The following DACH2 variants were observed in gnomAD, a reference collection of about 807,000 sequenced individuals.
DACH2 encodes dachshund homolog 2.
DACH2 carries 17 observed loss-of-function variants against 35.8 expected under a neutral mutation model. The ratio of observed to expected loss-of-function variants is 0.48; its 90% CI spans 0.33 to 0.71. DACH2 has a LOEUF of 0.71. Among genes scored for constraint, DACH2 ranks in the 30% least tolerant of loss-of-function variants. The pLI is 0.02. For missense variants in DACH2, 469 were observed against 472.7 expected (o/e 0.99, Z 0.07); for synonymous variants, 195 against 177.3 (o/e 1.10, Z -0.79).
intron 1 of DACH2, among the ~76,000 whole-genome samples, chrX:86,209,351 G>A (rs985085128): frequency 9.0e-6 from 1 of 111,327 alleles, no homozygotes; most frequent in African/African-American, 3.3e-5. Flanking sequence ...CTAACCCTCC[G>A]TAAACACAAA....
chrX:86,724,252 T>C (rs2041440552), intron 6 of DACH2, among the ~76,000 whole-genome samples: 1 of 111,919 alleles, frequency 8.9e-6, no homozygotes, highest in South Asian at 3.7e-4. Context: ...ATTTGATTAT[T>C]GCTCTTTCTC....
intron 7 of DACH2, among the ~76,000 whole-genome samples, chrX:86,770,737 A>G (rs1464000453): frequency 8.0e-5 from 9 of 112,057 alleles, no homozygotes; most frequent in Non-Finnish European, 1.7e-4. Context: ...TAGTTCTAAC[A>G]TGTTGTGAGG....
chrX:86,439,108 C>T (rs1396719341), intron 2 of DACH2, among the ~76,000 whole-genome samples: 1 of 112,034 alleles, frequency 8.9e-6, no homozygotes, highest in Admixed American at 9.5e-5. Context: ...AGGATGATAT[C>T]TCATTGTGGT....
intron 4 of DACH2, among the ~76,000 whole-genome samples, chrX:86,686,609 A>G (rs1487078406): frequency 8.9e-6 from 1 of 111,842 alleles, no homozygotes; most frequent in Non-Finnish European, 1.9e-5. Flanking sequence ...CAATTTAAAA[A>G]TTTGGGGGTT....
intron 1 of DACH2, among the ~76,000 whole-genome samples, chrX:86,258,397 T>C (rs2033565547): frequency 1.8e-5 from 2 of 111,236 alleles, no homozygotes; most frequent in African/African-American, 6.5e-5. Flanking sequence ...TTTTTTACCC[T>C]TTGTAAATGT....
intron 1 of DACH2, among the ~76,000 whole-genome samples, chrX:86,226,258 C>T (rs1166909928): frequency 9.0e-6 from 1 of 111,344 alleles, no homozygotes; most frequent in Non-Finnish European, 1.9e-5. Flanking sequence ...AAAAAGTATT[C>T]GTCTATGTGA....
chrX:86,766,222 A>C (rs1481211307), intron 7 of DACH2, among the ~76,000 whole-genome samples: 1 of 111,684 alleles, frequency 9.0e-6, no homozygotes, highest in Non-Finnish European at 1.9e-5. Context: ...TCCTAAATCT[A>C]ATCATTCCTC....
chrX:86,323,859 G>A (rs1035107430), intron 1 of DACH2, among the ~76,000 whole-genome samples: 6 of 112,188 alleles, frequency 5.3e-5, no homozygotes, highest in African/African-American at 9.7e-5. Context: ...CTTCAAGACC[G>A]GTGGCTAGCC....
intron 11 of DACH2, among the ~76,000 whole-genome samples, chrX:86,823,965 G>A (rs2042538542): frequency 8.9e-6 from 1 of 111,750 alleles, no homozygotes; most frequent in Non-Finnish European, 1.9e-5. Flanking sequence ...ACATCACAAG[G>A]CAAAGGGCAA....
At chrX:86,679,626 G>C (rs1015948141) in intron 4 of DACH2, among the ~76,000 whole-genome samples, 11 of 104,757 alleles carry the variant, frequency 1.1e-4, no homozygotes, top group African/African-American at 3.2e-4. Context: ...CTGTGTGTGT[G>C]TGTGTGTGTG....
At chrX:86,466,636 C>T (rs1030454128) in intron 2 of DACH2, among the ~76,000 whole-genome samples, 2 of 112,022 alleles carry the variant, frequency 1.8e-5, no homozygotes, top group East Asian at 5.6e-4. Context: ...AAGCTAGTTA[C>T]TTCTTAGGTA....
chrX:86,644,805 G>T (rs770445382), intron 3 of DACH2, among the ~76,000 whole-genome samples: 12 of 111,077 alleles, frequency 1.1e-4, no homozygotes, highest in Non-Finnish European at 2.1e-4. Context: ...ACAAAAACAA[G>T]CAATGGGGAA....
intron 1 of DACH2, among the ~76,000 whole-genome samples, chrX:86,177,340 T>C (rs534497257): frequency 5.9e-4 from 66 of 112,020 alleles, no homozygotes; most frequent in South Asian, 1.1e-3. Flanking sequence ...TTTTGACACC[T>C]GCTGTTTTCT....
At chrX:86,415,563 G>A (rs1333770747) in intron 2 of DACH2, among the ~76,000 whole-genome samples, 3 of 111,928 alleles carry the variant, frequency 2.7e-5, no homozygotes, top group African/African-American at 9.7e-5. Context: ...TTGCCTTGGT[G>A]TAGCTTTTTC....
chrX:86,554,912 G>T (rs1444241656), intron 3 of DACH2, among the ~76,000 whole-genome samples: 1 of 111,633 alleles, frequency 9.0e-6, no homozygotes, highest in African/African-American at 3.2e-5. Flanking sequence ...GTCAATTAAT[G>T]CTTTACTATT....
intron 1 of DACH2, among the ~76,000 whole-genome samples, chrX:86,329,781 G>C (rs1388231236): frequency 1.8e-5 from 2 of 111,307 alleles, no homozygotes; most frequent in Non-Finnish European, 3.8e-5. Flanking sequence ...CCTATCAACA[G>C]CCTGTGGGAT....
In DACH2 at chrX:86,282,816, C is replaced by T. The variant is rs1373796596; in HGVS notation, c.489-94008C>T. On this transcript the variant is annotated intron_variant, in intron 1 of 11. Transcript: ENST00000373125. ...TTTTTGAGACGGAGTCTCGCTCTGTCGCCCAGGCTGGAGTGCAGTGGCGGG... is the reference window on the plus strand; with the variant it reads ...TTTTTGAGACGGAGTCTCGCTCTGTTGCCCAGGCTGGAGTGCAGTGGCGGG... 1.2e-4 allele frequency among the ~76,000 whole-genome samples: 2 copies of T among 17,097 alleles called. 1 individual carries two copies. The highest frequency in any genetic ancestry group is 1.7e-4 in the Non-Finnish European group (2 of 12,043). The allele number at this position is 17,097 out of a possible 115,157, so 14.8% of individuals were successfully genotyped here. A position where few individuals can be genotyped will look rare whatever the true frequency, so the allele number is the denominator to read the frequency against.
chrX:86,313,546 A>T (rs375915183), intron 1 of DACH2, among the ~76,000 whole-genome samples: 3 of 112,230 alleles, frequency 2.7e-5, no homozygotes, highest in African/African-American at 9.7e-5. Context: ...CTACCTGTGA[A>T]ACTTGGAAAG....
intron 2 of DACH2, among the ~76,000 whole-genome samples, chrX:86,428,128 C>A (rs773120532): frequency 2.4e-4 from 27 of 111,256 alleles, no homozygotes; most frequent in African/African-American, 8.8e-4. Flanking sequence ...TTAGAGGATG[C>A]ACAAAATTAG....
Sources: allele counts gnomAD v4.1 joint callset (sites outside exome capture counted in the v4.1 genomes callset), GRCh38; gene constraint gnomAD v4.1.1; transcripts MANE v1.5; gene names NCBI Gene and HGNC (gene_info 2026-07-23, HGNC 2026-07-21).